FLYWCH2: variants seen among roughly 807,000 people sequenced by gnomAD.
The protein encoded by FLYWCH2 is FLYWCH family member 2.
FLYWCH2 carries 2 observed loss-of-function variants against 6.0 expected under a neutral mutation model. That is an observed-to-expected ratio of 0.33 (90% CI 0.14 to 1.04). FLYWCH2 has a LOEUF of 1.04. Ranked by LOEUF, FLYWCH2 falls within the 50% of genes least tolerant of loss-of-function variation. The probability of loss-of-function intolerance (pLI) is 0.45; values close to 1 mark genes in which losing one functional copy is unlikely to be tolerated. For missense variants in FLYWCH2, 192 were observed against 183.4 expected, an observed-to-expected ratio of 1.05 and a Z score of -0.27; for synonymous variants, 87 against 79.3, an observed-to-expected ratio of 1.10 and a Z score of -0.52.
intron 1 of FLYWCH2, among the ~76,000 whole-genome samples, chr16:2,888,329 G>C (rs1030219273): frequency 6.6e-6 from 1 of 151,674 alleles, no homozygotes; most frequent in Admixed American, 6.6e-5. Context: ...CTTTATGCCA[G>C]TACCACATTG....
intron 1 of FLYWCH2, among the ~76,000 whole-genome samples, chr16:2,891,550 G>A (rs904330005): frequency 2.6e-5 from 4 of 151,892 alleles, no homozygotes; most frequent in Admixed American, 2.6e-4. Context: ...GACTACAGGC[G>A]CCCGCCACCA....
At chr16:2,898,229 C>T (rs1035452297) in intron 3 of FLYWCH2, among the ~76,000 whole-genome samples, 11 of 152,136 alleles carry the variant, frequency 7.2e-5, no homozygotes, top group South Asian at 2.1e-4. Flanking sequence ...ATGGACCCCT[C>T]GGCCTCCATC....
intron 1 of FLYWCH2, among the ~76,000 whole-genome samples, chr16:2,890,416 AT>A (rs71158115): frequency 7.1e-4 from 95 of 133,368 alleles, no homozygotes; most frequent in Non-Finnish European, 6.8e-4. Flanking sequence ...TGCCTGACTA[AT>A]TTTTTTTTTT....
intron 2 of FLYWCH2, 24 bp from the exon 3 acceptor site, chr16:2,896,328 A>G: frequency 1.5e-6 from 2 of 1,294,880 alleles, no homozygotes; most frequent in Non-Finnish European, 2.1e-6. Context: ...TCCACCACTG[A>G]CGGGATTTTG....
chr16:2,891,627 G>T (rs572416013), intron 1 of FLYWCH2, among the ~76,000 whole-genome samples: 33 of 152,174 alleles, frequency 2.2e-4, no homozygotes, highest in African/African-American at 7.2e-4. Context: ...GGATGGTCTT[G>T]ATCTCCTGAC....
At chr16:2,891,551 C>T (rs1000044314) in intron 1 of FLYWCH2, among the ~76,000 whole-genome samples, 2 of 152,116 alleles carry the variant, frequency 1.3e-5, no homozygotes, top group Admixed American at 6.5e-5. Context: ...ACTACAGGCG[C>T]CCGCCACCAC....
At chr16:2,892,901 TC>T (rs2069774255) in intron 1 of FLYWCH2, among the ~76,000 whole-genome samples, 3 of 47,396 alleles carry the variant, frequency 6.3e-5, no homozygotes, top group African/African-American at 1.9e-4. Flanking sequence ...TGTATATATG[TC>T]ATATAATATA....
At chr16:2,894,176 G>A (rs2069791350) in intron 1 of FLYWCH2, among the ~76,000 whole-genome samples, 1 of 152,196 alleles carries the variant, frequency 6.6e-6, no homozygotes, top group Non-Finnish European at 1.5e-5. Context: ...GCCTGGAGGA[G>A]GCTGCTAGGT....
chr16:2,890,518 G>A (rs1316657991), intron 1 of FLYWCH2, among the ~76,000 whole-genome samples: 2 of 151,580 alleles, frequency 1.3e-5, no homozygotes, highest in Non-Finnish European at 2.9e-5. Flanking sequence ...GATTTCAAGC[G>A]ATTCTCCTGC....
At chr16:2,885,638 ATGT>A (rs1159640851) in intron 1 of FLYWCH2, among the ~76,000 whole-genome samples, 1 of 152,168 alleles carries the variant, frequency 6.6e-6, no homozygotes. Flanking sequence ...AGGTTCATTC[ATGT>A]TGTAGCATAG....
intron 1 of FLYWCH2, among the ~76,000 whole-genome samples, chr16:2,889,274 G>A (rs567060070): frequency 2.1e-5 from 3 of 145,396 alleles, no homozygotes; most frequent in Non-Finnish European, 4.5e-5. Flanking sequence ...ACAGTGGCCC[G>A]ATCTTGGCTC....
intron 3 of FLYWCH2, among the ~76,000 whole-genome samples, chr16:2,897,308 C>A (rs1166814106): frequency 1.3e-5 from 2 of 152,174 alleles, no homozygotes; most frequent in East Asian, 3.8e-4. Flanking sequence ...TCCGGGACTG[C>A]CCCTGCTCTC....
chr16:2,888,971 C>A (rs2069727033), intron 1 of FLYWCH2, among the ~76,000 whole-genome samples: 1 of 152,040 alleles, frequency 6.6e-6, no homozygotes, highest in South Asian at 2.1e-4. Context: ...AAATATTTGT[C>A]ATTTTTGAAA....
At chr16:2,891,702 CCTCT>C (rs1399540824) in intron 1 of FLYWCH2, among the ~76,000 whole-genome samples, 5 of 151,996 alleles carry the variant, frequency 3.3e-5, no homozygotes, top group African/African-American at 1.2e-4. Context: ...CCGCGCCTGG[CCTCT>C]CTCTTTTATT....
intron 1 of FLYWCH2, among the ~76,000 whole-genome samples, chr16:2,887,034 G>T (rs1304625594): frequency 6.6e-6 from 1 of 151,996 alleles, no homozygotes; most frequent in Admixed American, 6.6e-5. Context: ...TTGGTTGTTT[G>T]TGCCTTTCAT....
Position 2,896,707 on chromosome 16 carries a change from G to A in FLYWCH2, c.258G>A (p.Glu86=), listed in dbSNP as rs1157708644. ...AGGCCCTCCTCCAGACCCACCCCGA[G>A]GCCCAGCGGGCCATTGAGGCAGCCC... ...LAKALLQTHP[E]AQRAIEAAPQ... Residue 86 remains glutamate, a synonymous_variant, in exon 3 of 4, where the codon GAG becomes GAA. Coordinates refer to ENST00000396958, the MANE Select transcript of FLYWCH2 (RefSeq NM_138439.3). 1.9e-6 allele frequency: 3 copies of A among 1,612,548 alleles called. No homozygotes were observed. Among genetic ancestry groups the A allele is most frequent in the Non-Finnish European group, 2.5e-6 (3 of 1,179,848 alleles).
At chr16:2,898,110 C>G (rs2069843898) in intron 3 of FLYWCH2, among the ~76,000 whole-genome samples, 1 of 152,134 alleles carries the variant, frequency 6.6e-6, no homozygotes, top group African/African-American at 2.4e-5. Context: ...GGGTGAGTGG[C>G]CTGAGGTCAC....
chr16:2,890,636 G>C (rs2069746778), intron 1 of FLYWCH2, among the ~76,000 whole-genome samples: 1 of 150,972 alleles, frequency 6.6e-6, no homozygotes, highest in South Asian at 2.1e-4. Flanking sequence ...TGTTGGCCAG[G>C]TTGTCTCGAA....
At chr16:2,888,100 C>G (rs1184303216) in intron 1 of FLYWCH2, among the ~76,000 whole-genome samples, 1 of 152,010 alleles carries the variant, frequency 6.6e-6, no homozygotes, top group Non-Finnish European at 1.5e-5. Context: ...CCTCCGCCTC[C>G]CGGGTTCTAG....
Sources: gnomAD v4.1 joint callset for allele counts (sites outside exome capture counted in the v4.1 genomes callset) on GRCh38, gnomAD v4.1.1 for gene constraint, MANE v1.5 for transcripts, NCBI Gene and HGNC (gene_info 2026-07-23, HGNC 2026-07-21) for gene names.